HAO1: variants seen among roughly 807,000 people sequenced by gnomAD.
HAO1 encodes the protein hydroxyacid oxidase 1, also known as 2-Hydroxyacid oxidase 1.
HAO1 carries 34 observed loss-of-function variants against 39.7 expected under a neutral mutation model. The ratio of observed to expected loss-of-function variants is 0.86; its 90% CI spans 0.65 to 1.14. The LOEUF (loss-of-function observed/expected upper bound fraction) is 1.14. Among genes scored for constraint, HAO1 ranks in the 50% most tolerant of loss-of-function variants. The pLI is 0.00. For missense variants in HAO1, 479 were observed against 464.5 expected (o/e 1.03, Z -0.29); for synonymous variants, 172 against 173.2 (o/e 0.99, Z 0.05).
chr20:7,923,997 C>T (rs969450670), intron 2 of HAO1, among the ~76,000 whole-genome samples: 8 of 152,230 alleles, frequency 5.3e-5, no homozygotes, highest in South Asian at 2.1e-4. Flanking sequence ...GCCAATGGCC[C>T]GCCATGCCTT....
chr20:7,898,497 A>G (rs2050207177), intron 4 of HAO1, among the ~76,000 whole-genome samples: 1 of 152,186 alleles, frequency 6.6e-6, no homozygotes, highest in Non-Finnish European at 1.5e-5. Context: ...AAGAGAATTC[A>G]TATGTACTCA....
At position 7,940,346 on chromosome 20, in the gene HAO1, T is replaced by C. The variant is rs777301749; in HGVS notation, c.77A>G (p.Tyr26Cys). ...KSVLPKSIYD[Y>C]YRSGANDEET... ...TTCATCATTTGCCCCAGACCTGTAATAGTCATATATAGACTTTGGAAGTAC... is the reference window on the plus strand; with the variant it reads ...TTCATCATTTGCCCCAGACCTGTAACAGTCATATATAGACTTTGGAAGTAC... The change falls in exon 1 of 8, where the codon TAT (tyrosine) becomes TGT (cysteine). Residue 26 changes from tyrosine (Y) to cysteine (C), a missense_variant. Physicochemically the swap from Tyr to Cys is radical, Grantham distance 194. Coordinates refer to ENST00000378789, the MANE Select transcript of HAO1 (RefSeq NM_017545.3). 1.9e-6 allele frequency: 3 copies of C among 1,611,312 alleles called. No homozygotes were observed. In the South Asian group the frequency reaches 3.3e-5, roughly 18 times the overall value.
chr20:7,929,360 T>A (rs926999961), intron 2 of HAO1, among the ~76,000 whole-genome samples: 1 of 152,130 alleles, frequency 6.6e-6, no homozygotes, highest in Admixed American at 6.5e-5. Context: ...ATTTCATGAA[T>A]CCTCACAAGA....
At chr20:7,910,765 C>T (rs2050275467) in intron 3 of HAO1, among the ~76,000 whole-genome samples, 2 of 152,192 alleles carry the variant, frequency 1.3e-5, no homozygotes, top group South Asian at 4.1e-4. Context: ...GGGATTCACT[C>T]ATGGACACCT....
At chr20:7,939,153 C>T (rs777272179) in intron 1 of HAO1, among the ~76,000 whole-genome samples, 1 of 152,132 alleles carries the variant, frequency 6.6e-6, no homozygotes, top group Non-Finnish European at 1.5e-5. Context: ...TTTTAAGCCC[C>T]TCTACTCTCA....
rs758582298 is a variant in HAO1, at chr20:7,914,400, C to G, written c.309G>C (p.Thr103=). Residue 103 remains threonine, a synonymous_variant, in exon 3 of 8, where the codon ACG becomes ACC. Transcript: ENST00000378789. ...TGGCCCAGGAACTCAACATCATGCC[C>G]GTTCCCAGGGACTGACAGGCTGAGA... The part of the protein sequence containing the change: ...ATVRACQSLG[T]GMMLSSWATS... The G allele has an allele frequency of 6.2e-7, 1 of 1,613,714 alleles. No individual in the cohort carries two copies. Among genetic ancestry groups the G allele is most frequent in the East Asian group, 2.2e-5 (1 of 44,802 alleles).
intron 2 of HAO1, among the ~76,000 whole-genome samples, chr20:7,923,756 G>A (rs2050345606): frequency 6.6e-6 from 1 of 152,132 alleles, no homozygotes; most frequent in South Asian, 2.1e-4. Flanking sequence ...TGACTCAGTA[G>A]GTCTGTAGTG....
At position 7,885,852 on chromosome 20, in the gene HAO1, G is replaced by A. The variant is rs766140197; in HGVS notation, c.826C>T (p.Pro276Ser). 2 of 1,613,142 alleles carry A rather than the reference G, an allele frequency of 1.2e-6. No individual in the cohort carries two copies. The highest frequency in any genetic ancestry group is 1.7e-6 in the Non-Finnish European group (2 of 1,179,352). ...DGVPATIDVL[P>S]EIVEAVEGKV... ...CCTTCCACAGCCTCCACAATTTCTGGCAGAACATCAATCTGGGGAAAGAAA... is the reference window on the plus strand; with the variant it reads ...CCTTCCACAGCCTCCACAATTTCTGACAGAACATCAATCTGGGGAAAGAAA... The change falls in exon 6 of 8, where the codon CCA becomes TCA. Residue 276 changes from proline to serine, a missense_variant. Coordinates refer to ENST00000378789, the MANE Select transcript of HAO1 (RefSeq NM_017545.3).
At chr20:7,926,488 A>G (rs1207120995) in intron 2 of HAO1, among the ~76,000 whole-genome samples, 1 of 152,178 alleles carries the variant, frequency 6.6e-6, no homozygotes, top group Non-Finnish European at 1.5e-5. Flanking sequence ...ATATAAATCA[A>G]TAAAGCTTTC....
intron 2 of HAO1, among the ~76,000 whole-genome samples, chr20:7,930,722 C>CTGAG (rs2050381835): frequency 6.6e-6 from 1 of 152,166 alleles, no homozygotes; most frequent in South Asian, 2.1e-4. Context: ...GCAAAGAGAG[C>CTGAG]TGAGGTATTT....
chr20:7,914,366 T>C lies in HAO1; in HGVS notation c.343A>G (p.Ile115Val), dbSNP rs2050296339. 2.5e-6 allele frequency: 4 copies of C among 1,613,812 alleles called. No homozygotes were observed. The highest frequency in any genetic ancestry group is 2.2e-5 in the South Asian group (2 of 91,078). The change falls in exon 3 of 8, where the codon ATT (isoleucine) becomes GTT (valine). Residue 115 changes from isoleucine (I) to valine (V), a missense_variant. Ile to Val is a conservative substitution (Grantham distance 29, BLOSUM62 3). Coordinates refer to ENST00000378789, the MANE Select transcript of HAO1 (RefSeq NM_017545.3). Reference sequence around the variant, plus strand: ...GGACCAGCTTCCGCCACTTCTTCAATTGAGGAGGTGGCCCAGGAACTCAAC... The same window carrying C: ...GGACCAGCTTCCGCCACTTCTTCAACTGAGGAGGTGGCCCAGGAACTCAAC... ...MMLSSWATSS[I>V]EEVAEAGPEA...
intron 5 of HAO1, among the ~76,000 whole-genome samples, chr20:7,888,788 C>T (rs2050161565): frequency 6.6e-6 from 1 of 152,166 alleles, no homozygotes; most frequent in South Asian, 2.1e-4. Context: ...ATGAATTGAA[C>T]TTATGATTTG....
At chr20:7,919,349 A>C (rs1283976345) in intron 2 of HAO1, among the ~76,000 whole-genome samples, 1 of 152,160 alleles carries the variant, frequency 6.6e-6, no homozygotes, top group Non-Finnish European at 1.5e-5. Context: ...TTCAGACTTT[A>C]TTCGTATGTT....
intron 1 of HAO1, among the ~76,000 whole-genome samples, chr20:7,938,811 G>A (rs2050426067): frequency 6.6e-6 from 1 of 152,132 alleles, no homozygotes; most frequent in Non-Finnish European, 1.5e-5. Flanking sequence ...TCAGCATGTA[G>A]TACACAGTGT....
chr20:7,896,053 CA>C lies in HAO1; in HGVS notation c.722-830del, dbSNP rs2050196135. On this transcript the variant is annotated intron_variant, in intron 4 of 7. Coordinates refer to ENST00000378789, the MANE Select transcript of HAO1 (RefSeq NM_017545.3). ...CACCACTGCACTCCAGCCTGGGTGA[CA>C]GAGTGAAACTCCGTCTCAAAAAAAA... 4.0e-5 allele frequency among the ~76,000 whole-genome samples: 6 copies of C among 151,222 alleles called. No homozygotes were observed. In the South Asian group the frequency reaches 1.3e-3, roughly 32 times the overall value.
chr20:7,903,861 T>TGGTGGTGGTGGC (rs2050234889), intron 4 of HAO1, among the ~76,000 whole-genome samples: 1 of 69,734 alleles, frequency 1.4e-5, no homozygotes, highest in Admixed American at 1.7e-4. Context: ...GTGGTAGCGG[T>TGGTGGTGGTGGC]GGTGGTGGTG....
chr20:7,936,294 C>T (rs976029289), intron 1 of HAO1, among the ~76,000 whole-genome samples: 5 of 152,100 alleles, frequency 3.3e-5, no homozygotes, highest in African/African-American at 1.2e-4. Flanking sequence ...CAGCATGATT[C>T]TTTGATCTCC....
intron 4 of HAO1, among the ~76,000 whole-genome samples, chr20:7,899,087 T>C (rs1323216838): frequency 6.6e-6 from 1 of 152,114 alleles, no homozygotes; most frequent in Non-Finnish European, 1.5e-5. Flanking sequence ...AGAAATTAAA[T>C]ATTATCAATA....
chr20:7,900,143 A>T (rs1324438957), intron 4 of HAO1, among the ~76,000 whole-genome samples: 2 of 152,116 alleles, frequency 1.3e-5, no homozygotes, highest in Non-Finnish European at 2.9e-5. Context: ...CATTAAGCGC[A>T]TATTTTTTTA....
Sources: allele counts gnomAD v4.1 joint callset (sites outside exome capture counted in the v4.1 genomes callset), GRCh38; gene constraint gnomAD v4.1.1; transcripts MANE v1.5; gene names NCBI Gene and HGNC (gene_info 2026-07-23, HGNC 2026-07-21).